CSMD3: variants seen among roughly 807,000 people sequenced by gnomAD.
The protein encoded by CSMD3 is CUB and Sushi multiple domains 3.
A neutral mutation model predicts 435.2 loss-of-function variants in CSMD3; 177 were observed. The observed-to-expected ratio is 0.41, with a 90% confidence interval of 0.36 to 0.46. CSMD3 has a LOEUF of 0.46. CSMD3 is among the 20% of genes least tolerant of loss of function. The pLI, the probability that CSMD3 is intolerant of heterozygous loss-of-function variation, is 0.34. For synonymous variants in CSMD3, 1,656 were observed against 1,520.5 expected (o/e 1.09, Z -2.07); for missense variants, 4,265 against 4,504.6 (o/e 0.95, Z 1.52).
At chr8:112,231,658 T>A (rs1282338241) in intron 68 of CSMD3, 26 bp from the exon 69 acceptor site, 15 of 1,245,040 alleles carry the variant, frequency 1.2e-5, no homozygotes, top group Non-Finnish European at 1.5e-5. Flanking sequence ...CAGCCAAATA[T>A]ACTTGAATAC....
At chr8:112,374,563 A>C (rs1828761934) in intron 38 of CSMD3, among the ~76,000 whole-genome samples, 1 of 152,182 alleles carries the variant, frequency 6.6e-6, no homozygotes. Context: ...CTGCTAAATT[A>C]TGATTTGATA....
At chr8:112,392,622 T>C (rs1830516742) in intron 35 of CSMD3, among the ~76,000 whole-genome samples, 1 of 150,920 alleles carries the variant, frequency 6.6e-6, no homozygotes, top group Non-Finnish European at 1.5e-5. Flanking sequence ...ATAGATGCTC[T>C]TCCTCTCCAT....
chr8:112,895,501 T>G (rs967672541), intron 10 of CSMD3, among the ~76,000 whole-genome samples: 1 of 151,066 alleles, frequency 6.6e-6, no homozygotes, highest in African/African-American at 2.4e-5. Flanking sequence ...ATATTCTGAG[T>G]AAGGCTGAAA....
At position 112,975,998 on chromosome 8, in the gene CSMD3, T is replaced by G. The variant is rs373549496; in HGVS notation, c.1181A>C (p.Gln394Pro). The G allele has an allele frequency of 1.2e-6, 2 of 1,614,034 alleles. No individual in the cohort carries two copies. The highest frequency in any genetic ancestry group is 4.5e-5 in the East Asian group (2 of 44,856). The change falls in exon 7 of 71, where the codon CAG (glutamine) becomes CCG (proline). Residue 394 changes from glutamine (Q) to proline (P), a missense_variant. Coordinates refer to ENST00000297405, the MANE Select transcript of CSMD3 (RefSeq NM_198123.2). ...AVTIHRLSEE[Q>P]RVQVTSLRNS... ...TCTGAGACTCGTAACTTGCACTCGCTGTTCCTCGGAAAGTCTATGGATGGT... is the reference window on the plus strand; with the variant it reads ...TCTGAGACTCGTAACTTGCACTCGCGGTTCCTCGGAAAGTCTATGGATGGT...
chr8:112,365,457 G>A (rs989931956), intron 38 of CSMD3, among the ~76,000 whole-genome samples: 11 of 137,446 alleles, frequency 8.0e-5, no homozygotes, highest in East Asian at 2.2e-4. Flanking sequence ...AAAAAATTAC[G>A]CATAGATTTC....
chr8:113,401,249 T>A (rs1175876304), intron 1 of CSMD3, among the ~76,000 whole-genome samples: 1 of 151,746 alleles, frequency 6.6e-6, no homozygotes, highest in Admixed American at 6.6e-5. Flanking sequence ...GAAAGGTATT[T>A]CCTTTATAAT....
chr8:112,273,148 T>A (rs551229826), intron 59 of CSMD3, among the ~76,000 whole-genome samples: 1 of 152,240 alleles, frequency 6.6e-6, no homozygotes, highest in African/African-American at 2.4e-5. Context: ...GACAATTCAA[T>A]AAAAATGTCA....
chr8:112,446,666 G>A (rs1004880803), intron 32 of CSMD3, among the ~76,000 whole-genome samples: 1 of 152,058 alleles, frequency 6.6e-6, no homozygotes, highest in Non-Finnish European at 1.5e-5. Flanking sequence ...TACACTTTTG[G>A]TCTTTTCAAT....
At chr8:113,114,358 T>TGA (rs1315363968) in intron 4 of CSMD3, among the ~76,000 whole-genome samples, 1 of 152,140 alleles carries the variant, frequency 6.6e-6, no homozygotes, top group Non-Finnish European at 1.5e-5. Flanking sequence ...ACAAATTTTC[T>TGA]GAGGAATTTG....
intron 27 of CSMD3, 55 bp downstream of exon 27, chr8:112,550,616 A>G: frequency 1.1e-6 from 1 of 913,756 alleles, no homozygotes; most frequent in East Asian, 2.4e-5. Flanking sequence ...AGTTAACATG[A>G]CTATTTACAT....
intron 6 of CSMD3, among the ~76,000 whole-genome samples, chr8:113,018,296 C>T (rs1454615148): frequency 6.6e-6 from 1 of 151,582 alleles, no homozygotes; most frequent in East Asian, 1.9e-4. Flanking sequence ...TATAAGCTTC[C>T]TAAAGTCATC....
At chr8:112,280,737 G>T (rs369616836) in intron 59 of CSMD3, among the ~76,000 whole-genome samples, 1 of 152,070 alleles carries the variant, frequency 6.6e-6, no homozygotes, top group Non-Finnish European at 1.5e-5. Flanking sequence ...CATAACAAGA[G>T]AGCAAATCAG....
At position 112,472,608 on chromosome 8, in the gene CSMD3, G is replaced by T. The variant is rs1223808513; in HGVS notation, c.5378C>A (p.Ala1793Glu). The T allele has an allele frequency of 4.5e-6, 7 of 1,572,406 alleles. No homozygotes were observed. The highest frequency in any genetic ancestry group is 4.4e-6 in the Non-Finnish European group (5 of 1,142,282). The change falls in exon 32 of 71, where the codon GCA (alanine) becomes GAA (glutamate). Residue 1793 changes from alanine (A) to glutamate (E), a missense_variant. Transcript: ENST00000297405. ...TTACTTACCAAACTCCTTTGGAACTGCTATAGAATAAACACAATTATGTCC... is the reference window on the plus strand; with the variant it reads ...TTACTTACCAAACTCCTTTGGAACTTCTATAGAATAAACACAATTATGTCC... ...SVGHNCVYSIAVPKEFVVFGQ... is the reference protein window; with the variant it reads ...SVGHNCVYSIEVPKEFVVFGQ...
chr8:112,897,905 ATTG>A (rs2081998315), intron 10 of CSMD3, among the ~76,000 whole-genome samples: 1 of 151,336 alleles, frequency 6.6e-6, no homozygotes, highest in East Asian at 2.0e-4. Flanking sequence ...TTTTATTATT[ATTG>A]TTGTTATTAG....
intron 1 of CSMD3, among the ~76,000 whole-genome samples, chr8:113,330,025 T>A (rs1421760295): frequency 6.6e-6 from 1 of 152,148 alleles, no homozygotes; most frequent in African/African-American, 2.4e-5. Flanking sequence ...AGCAGCTACC[T>A]AGGTGAACAT....
At chr8:113,400,224 T>C (rs1038422409) in intron 1 of CSMD3, among the ~76,000 whole-genome samples, 2 of 151,932 alleles carry the variant, frequency 1.3e-5, no homozygotes, top group African/African-American at 4.8e-5. Flanking sequence ...AGCTATAAAG[T>C]TGTGATCTGG....
Position 112,947,791 on chromosome 8 carries a change from T to C in CSMD3, c.1507A>G (p.Ser503Gly), listed in dbSNP as rs1221530185. 1.5e-6 allele frequency: 2 copies of C among 1,316,374 alleles called. No homozygotes were observed. Among genetic ancestry groups the C allele is most frequent in the Non-Finnish European group, 2.2e-6 (2 of 911,126 alleles). 81.5% of individuals were successfully genotyped at this position (1,316,374 alleles called of 1,614,324 possible). A position where few individuals can be genotyped will look rare whatever the true frequency, so the allele number is the denominator to read the frequency against. ...ENGKRIGSDF[S>G]LGSTVQFSCD... ...GAAGTCAATATTTTAAAATATTACC[T>C]AAAATCTGATCCGATTCTCTTCCCA... Residue 503 changes from serine (S) to glycine (G), a missense_variant and splice_region_variant, in exon 9 of 71, where the codon AGC (serine) becomes GGC (glycine). Transcript: ENST00000297405.
At position 112,281,313 on chromosome 8, in the gene CSMD3, C is replaced by A. The variant is rs751873288; in HGVS notation, c.9369G>T (p.Gly3123=). ...TTGTGCCATCAATTCGGAAGACTTT[C>A]CCATTGGCTGTGGTTCCTGGGTTAC... ...QCGNPGTTAN[G]KVFRIDGTTF... Residue 3123 remains glycine, a synonymous_variant, in exon 59 of 71, where the codon GGG becomes GGT. Transcript: ENST00000297405. The A allele has an allele frequency of 6.2e-7, 1 of 1,613,264 alleles. No individual in the cohort carries two copies. Among genetic ancestry groups the A allele is most frequent in the Admixed American group, 1.7e-5 (1 of 59,896 alleles).
At chr8:112,988,397 T>G (rs1340598322) in intron 6 of CSMD3, among the ~76,000 whole-genome samples, 2 of 152,072 alleles carry the variant, frequency 1.3e-5, no homozygotes, top group African/African-American at 4.8e-5. Flanking sequence ...TTTTTGCTTG[T>G]TTAAATAATT....
Sources: gnomAD v4.1 joint callset for allele counts (sites outside exome capture counted in the v4.1 genomes callset) on GRCh38, gnomAD v4.1.1 for gene constraint, MANE v1.5 for transcripts, NCBI Gene and HGNC (gene_info 2026-07-23, HGNC 2026-07-21) for gene names.